SCARA5: variants seen among roughly 807,000 people sequenced by gnomAD.
The protein encoded by SCARA5 is scavenger receptor class A, member 5 (putative).
A neutral mutation model predicts 46.3 loss-of-function variants in SCARA5; 45 were observed. That is an observed-to-expected ratio of 0.97 (90% CI 0.76 to 1.24). The LOEUF (loss-of-function observed/expected upper bound fraction) is 1.24. Ranked by LOEUF, SCARA5 falls within the 50% of genes most tolerant of loss-of-function variation. The pLI is 0.00. For synonymous variants in SCARA5, 333 were observed against 306.5 expected (o/e 1.09, Z -0.90); for missense variants, 680 against 689.0 (o/e 0.99, Z 0.15).
intron 3 of SCARA5, among the ~76,000 whole-genome samples, chr8:27,965,589 T>A (rs1446233126): frequency 6.6e-6 from 1 of 152,234 alleles, no homozygotes; most frequent in Non-Finnish European, 1.5e-5. Context: ...CCTATTTAGC[T>A]GTGCCCCCAA....
chr8:27,921,597 G>A lies in SCARA5; in HGVS notation c.890C>T (p.Ala297Val). 1.3e-6 allele frequency: 2 copies of A among 1,581,414 alleles called. No homozygotes were observed. The highest frequency in any genetic ancestry group is 1.7e-6 in the Non-Finnish European group (2 of 1,161,668). The change falls in exon 4 of 9, where the codon GCA (alanine) becomes GTA (valine). Residue 297 changes from alanine (A) to valine (V), a missense_variant. By Grantham distance (64) the Ala-to-Val change is moderately conservative. Transcript: ENST00000354914. The stretch of plus-strand genomic sequence containing the variant: ...TTTCGCGAGGGAGATGTTCCGCAGT[G>A]CGATGGAGTGCTCCCAGTCCTTGAG... Reference protein sequence around the residue: ...LRLKDWEHSIALRNISLAKGP... With the variant: ...LRLKDWEHSIVLRNISLAKGP...
At position 27,966,962 on chromosome 8, in the gene SCARA5, G is replaced by A. The variant is rs147296966; in HGVS notation, c.113-420C>T. 8.2e-3 allele frequency among the ~76,000 whole-genome samples: 1,246 copies of A among 152,298 alleles called. 23 individuals carry two copies. Among genetic ancestry groups the A allele is most frequent in the African/African-American group, 0.029 (1,195 of 41,562 alleles). On this transcript the variant is annotated intron_variant, in intron 2 of 8. Coordinates refer to ENST00000354914, the MANE Select transcript of SCARA5 (RefSeq NM_173833.6). ...TTCTACAGTGGCTGGGAAGGTATGG[G>A]AATGAGAGAAATGGGCCCAGTGGGA... is the stretch of plus-strand genomic sequence containing the variant.
At chr8:27,947,127 T>A (rs371702164) in intron 3 of SCARA5, among the ~76,000 whole-genome samples, 86 of 152,024 alleles carry the variant, frequency 5.7e-4, no homozygotes, top group African/African-American at 1.9e-3. Flanking sequence ...TTCTCCTACT[T>A]CAGTCTCCCG....
At chr8:27,875,527 T>C (rs1806710539) in intron 8 of SCARA5, among the ~76,000 whole-genome samples, 1 of 152,048 alleles carries the variant, frequency 6.6e-6, no homozygotes, top group Non-Finnish European at 1.5e-5. Flanking sequence ...AGGAATTCCC[T>C]AGCTGAAGAG....
At chr8:27,941,800 C>CATCATCATCATT (rs1554573666) in intron 3 of SCARA5, among the ~76,000 whole-genome samples, 6 of 135,310 alleles carry the variant, frequency 4.4e-5, no homozygotes, top group African/African-American at 1.7e-4. Flanking sequence ...TTTACATCAT[C>CATCATCATCATT]ATTATTATTA....
chr8:27,909,566 C>T, intron 5 of SCARA5, 97 bp downstream of exon 5: 1 of 854,132 alleles, frequency 1.2e-6, no homozygotes, highest in Middle Eastern at 2.2e-4. Flanking sequence ...ATTGGGCACT[C>T]CCCTGGGGAG....
chr8:27,883,437 G>C (rs1480293745), intron 7 of SCARA5, among the ~76,000 whole-genome samples: 2 of 152,160 alleles, frequency 1.3e-5, no homozygotes. Context: ...CCCCTGCTGG[G>C]ACCTGAGCAT....
intron 2 of SCARA5, among the ~76,000 whole-genome samples, chr8:27,972,468 GTAAC>G (rs1347212627): frequency 6.6e-6 from 1 of 152,164 alleles, no homozygotes; most frequent in Non-Finnish European, 1.5e-5. Flanking sequence ...TTTAATGAAA[GTAAC>G]TAAGTCACAG....
intron 3 of SCARA5, among the ~76,000 whole-genome samples, chr8:27,924,054 G>A (rs1033820993): frequency 6.6e-6 from 1 of 152,188 alleles, no homozygotes; most frequent in Non-Finnish European, 1.5e-5. Flanking sequence ...CTGGGAGGTC[G>A]TGGACTGTTC....
intron 8 of SCARA5, among the ~76,000 whole-genome samples, chr8:27,879,291 G>A (rs900372617): frequency 6.6e-6 from 1 of 152,154 alleles, no homozygotes; most frequent in African/African-American, 2.4e-5. Context: ...CACAGCAGCT[G>A]TGCCTGGGAC....
chr8:27,930,846 C>T (rs576328993), intron 3 of SCARA5, among the ~76,000 whole-genome samples: 12 of 152,176 alleles, frequency 7.9e-5, no homozygotes, highest in Non-Finnish European at 1.5e-4. Flanking sequence ...GTGTTCAAGT[C>T]CTGCCTTCTC....
chr8:27,977,476 C>T (rs370540448), intron 2 of SCARA5, among the ~76,000 whole-genome samples: 1 of 152,200 alleles, frequency 6.6e-6, no homozygotes, highest in South Asian at 2.1e-4. Context: ...CTGCTGTAGG[C>T]GTTTCTTCTA....
Position 27,921,645 on chromosome 8 carries a change from T to C in SCARA5, c.842A>G (p.Asn281Ser), listed in dbSNP as rs370521174. Residue 281 changes from asparagine to serine, a missense_variant, in exon 4 of 9, where the codon AAC becomes AGC. Coordinates refer to ENST00000354914, the MANE Select transcript of SCARA5 (RefSeq NM_173833.6). ...LQLKQELAMLNAVTEDLRLKD... is the reference protein window; with the variant it reads ...LQLKQELAMLSAVTEDLRLKD... ...GAGGCGCAGGTCCTCGGTGACCGCG[T>C]TGAGCATGGCCAGCTCCTGCTTCAG... The C allele has an allele frequency of 4.4e-6, 7 of 1,607,344 alleles. No individual in the cohort carries two copies. The highest frequency in any genetic ancestry group is 1.7e-5 in the Admixed American group (1 of 59,612).
intron 4 of SCARA5, among the ~76,000 whole-genome samples, chr8:27,911,808 G>A (rs1186636340): frequency 6.6e-6 from 1 of 152,204 alleles, no homozygotes; most frequent in African/African-American, 2.4e-5. Flanking sequence ...ACTTTATTTG[G>A]AAATAGTGTC....
intron 1 of SCARA5, 22 bp downstream of exon 1, chr8:27,992,235 C>G (rs1185348034): frequency 6.6e-6 from 1 of 152,296 alleles, no homozygotes; most frequent in Non-Finnish European, 1.5e-5. Flanking sequence ...GGAGATAGGA[C>G]AAAATTAGTA....
intron 7 of SCARA5, chr8:27,904,462 T>A (rs1224677582): frequency 2.0e-6 from 1 of 509,828 alleles, no homozygotes; most frequent in African/African-American, 1.9e-5. Flanking sequence ...ACTCCTGTTA[T>A]CCCTATTTTA....
chr8:27,973,161 G>C (rs1475493492), intron 2 of SCARA5, among the ~76,000 whole-genome samples: 1 of 152,156 alleles, frequency 6.6e-6, no homozygotes. Flanking sequence ...CACATTTTTA[G>C]AGCAAACTTT....
chr8:27,871,746 C>T lies in SCARA5; in HGVS notation c.*188G>A, dbSNP rs1806641440. On this transcript the variant is annotated 3_prime_UTR_variant, in exon 9 of 9. Coordinates refer to ENST00000354914, the MANE Select transcript of SCARA5 (RefSeq NM_173833.6). The stretch of plus-strand genomic sequence containing the variant: ...ACGGGCAGTAGGTCCCAGAGTTATA[C>T]TTCGGAGCACATGTTCAAGAGGGAA... 1 of 1,436,896 alleles carries T rather than the reference C, an allele frequency of 7.0e-7. No homozygotes were observed. The highest frequency in any genetic ancestry group is 9.1e-7 in the Non-Finnish European group (1 of 1,097,998). The allele number at this position is 1,436,896 out of a possible 1,614,324, so 89.0% of individuals were successfully genotyped here.
chr8:27,932,273 C>T (rs1807786876), intron 3 of SCARA5, among the ~76,000 whole-genome samples: 1 of 152,182 alleles, frequency 6.6e-6, no homozygotes. Context: ...AGCCACCATG[C>T]CCAGCCTGAG....
Sources: gnomAD v4.1 joint callset for allele counts (sites outside exome capture counted in the v4.1 genomes callset) on GRCh38, gnomAD v4.1.1 for gene constraint, MANE v1.5 for transcripts, NCBI Gene and HGNC (gene_info 2026-07-23, HGNC 2026-07-21) for gene names.